Variants in CLEC4F observed in about 807,000 individuals in gnomAD.
CLEC4F encodes C-type (calcium dependent, carbohydrate-recognition domain) lectin, superfamily member 13.
A neutral mutation model predicts 53.4 loss-of-function variants in CLEC4F; 45 were observed. The observed-to-expected ratio is 0.84, with a 90% CI of 0.66 to 1.08. The LOEUF is 1.08. CLEC4F is among the 50% of genes least tolerant of loss of function. The pLI, the probability that CLEC4F is intolerant of heterozygous loss-of-function variation, is 0.00. For synonymous variants in CLEC4F, 245 were observed against 257.5 expected (o/e 0.95, Z 0.46); for missense variants, 753 against 698.2 (o/e 1.08, Z -0.88).
intron 4 of CLEC4F, among the ~76,000 whole-genome samples, chr2:70,814,731 A>G (rs1553395355): frequency 1.3e-5 from 2 of 152,142 alleles, no homozygotes; most frequent in East Asian, 3.9e-4. Flanking sequence ...TAAGATATCT[A>G]GTTCTTTGTC....
At chr2:70,818,137 T>A (rs1677031796) in intron 3 of CLEC4F, among the ~76,000 whole-genome samples, 1 of 152,158 alleles carries the variant, frequency 6.6e-6, no homozygotes. Flanking sequence ...CCTATGTAGA[T>A]GTGTGAGACC....
intron 5 of CLEC4F, among the ~76,000 whole-genome samples, chr2:70,810,156 A>AG (rs1676469994): frequency 6.7e-6 from 1 of 150,204 alleles, no homozygotes; most frequent in Non-Finnish European, 1.5e-5. Context: ...TTTTTTTAAT[A>AG]GATGGGTTTG....
intron 3 of CLEC4F, 22 bp downstream of exon 3, chr2:70,819,333 C>T: frequency 6.2e-7 from 1 of 1,600,322 alleles, no homozygotes; most frequent in Non-Finnish European, 8.6e-7. Context: ...CTCTGCACCC[C>T]ACCCCCACTG....
chr2:70,819,432 G>A lies in CLEC4F; in HGVS notation c.191C>T (p.Thr64Ile), dbSNP rs782236019. 4.3e-6 allele frequency: 7 copies of A among 1,613,988 alleles called. No homozygotes were observed. The South Asian group carries it at 6.6e-5, about 15-fold the overall frequency. ...VTLFVVVQQQ[T>I]RPVPKPVQAV... ...TTGCACAGGCTTCGGAACAGGTCTT[G>A]TCTGCTGTTGAACTGAGACATTCCA... The change falls in exon 3 of 7, where the codon ACA (threonine) becomes ATA (isoleucine). Residue 64 changes from threonine (T) to isoleucine (I), a missense_variant. Transcript: ENST00000272367.
chr2:70,820,710 A>G, upstream of CLEC4F: 2 of 558,036 alleles, frequency 3.6e-6, no homozygotes, highest in Non-Finnish European at 6.3e-6. Context: ...CCTCCCCTAG[A>G]GGCTCCCAGA....
upstream of CLEC4F, among the ~76,000 whole-genome samples, chr2:70,823,728 G>A (rs567228785): frequency 2.0e-5 from 3 of 152,130 alleles, no homozygotes; most frequent in African/African-American, 4.8e-5. Flanking sequence ...AAAAACAAAT[G>A]GGCATTAATA....
At position 70,816,204 on chromosome 2, in the gene CLEC4F, G is replaced by C. The variant is rs782281781; in HGVS notation, c.1177C>G (p.Leu393Val). The C allele has an allele frequency of 6.2e-7, 1 of 1,614,152 alleles. No individual in the cohort carries two copies. The highest frequency in any genetic ancestry group is 1.1e-5 in the South Asian group (1 of 91,082). Reference sequence around the variant, plus strand: ...GAAGCATTCTTCATTCCTTGTTTTAGGGTCTGTATCTCTCTGCTGGCATTT... The same window carrying C: ...GAAGCATTCTTCATTCCTTGTTTTACGGTCTGTATCTCTCTGCTGGCATTT... ...MKNASREIQT[L>V]KQGMKNASAL... Residue 393 changes from leucine to valine, a missense_variant, in exon 4 of 7, where the codon CTA becomes GTA. Physicochemically the swap from Leu to Val is conservative, Grantham distance 32. Coordinates refer to ENST00000272367, the MANE Select transcript of CLEC4F (RefSeq NM_173535.3).
At chr2:70,813,182 G>A (rs1171669171) in intron 4 of CLEC4F, among the ~76,000 whole-genome samples, 3 of 152,176 alleles carry the variant, frequency 2.0e-5, no homozygotes, top group African/African-American at 4.8e-5. Context: ...AAATGGTGCC[G>A]CACAAGCTCA....
At chr2:70,810,171 A>G (rs1676471309) in intron 5 of CLEC4F, among the ~76,000 whole-genome samples, 1 of 149,476 alleles carries the variant, frequency 6.7e-6, no homozygotes, top group African/African-American at 2.5e-5. Context: ...GGTTTGCTTG[A>G]TGAGGATTGT....
intron 2 of CLEC4F, 147 bp from the exon 3 acceptor site, chr2:70,819,591 G>A (rs1464825039): frequency 3.3e-6 from 3 of 902,734 alleles, no homozygotes; most frequent in Non-Finnish European, 3.6e-6. Context: ...CAGTTCTTGG[G>A]AGGCTCCCCC....
rs1676376430 is a variant in CLEC4F, at chr2:70,808,884, G to A, written c.*387C>T. ...GGCTCCGAAGGCATCGAGGAGGAGG[G>A]TCAGTATTGGCAAGCAGGAGCAGCC... On this transcript the variant is annotated 3_prime_UTR_variant, in exon 7 of 7. Transcript: ENST00000272367. 1 of 600,410 alleles carries A rather than the reference G, an allele frequency of 1.7e-6. No homozygotes were observed. The highest frequency in any genetic ancestry group is 2.0e-5 in the South Asian group (1 of 50,182). 37.2% of individuals were successfully genotyped at this position (600,410 alleles called of 1,614,324 possible). A position where few individuals can be genotyped will look rare whatever the true frequency, so the allele number is the denominator to read the frequency against.
In CLEC4F at chr2:70,812,675, T is replaced by C. The variant is rs189123867; in HGVS notation, c.1388-77A>G. 267 of 1,464,810 alleles carry C rather than the reference T, an allele frequency of 1.8e-4. No individual in the cohort carries two copies. In the African/African-American group the frequency reaches 3.3e-3, roughly 18 times the overall value. The allele number at this position is 1,464,810 out of a possible 1,614,324, so 90.7% of individuals were successfully genotyped here. A position where few individuals can be genotyped will look rare whatever the true frequency, so the allele number is the denominator to read the frequency against. ...CCAGAAGGAACTTTTCTGACCTCTC[T>C]AGGGCCTGCCCACTGAGGTTCACAA... On this transcript the variant is annotated intron_variant, in intron 4 of 6. Coordinates refer to ENST00000272367, the MANE Select transcript of CLEC4F (RefSeq NM_173535.3).
In CLEC4F at chr2:70,809,346, A is replaced by G. The variant is rs372030715; in HGVS notation, c.1695T>C (p.Tyr565=). Residue 565 remains tyrosine, a synonymous_variant, in exon 7 of 7, where the codon TAT becomes TAC. Transcript: ENST00000272367. Reference sequence around the variant, plus strand: ...CTCCCATCCCAGAATTCACAATAATATACTTTCTGAGTGGGCAGGATCCCT... The same window carrying G: ...CTCCCATCCCAGAATTCACAATAATGTACTTTCTGAGTGGGCAGGATCCCT... ...GSKGSCPLRK[Y]IIVNSGMGAC... 1.9e-6 allele frequency: 3 copies of G among 1,613,298 alleles called. No homozygotes were observed. The highest frequency in any genetic ancestry group is 2.2e-5 in the South Asian group (2 of 90,956).
intron 5 of CLEC4F, among the ~76,000 whole-genome samples, chr2:70,812,143 G>T (rs1707804026): frequency 6.6e-6 from 1 of 152,134 alleles, no homozygotes; most frequent in Non-Finnish European, 1.5e-5. Context: ...AAATGCAAGA[G>T]AAGGGAAGTG....
chr2:70,810,444 C>G (rs2104625183), intron 5 of CLEC4F, among the ~76,000 whole-genome samples: 1 of 151,796 alleles, frequency 6.6e-6, no homozygotes, highest in East Asian at 1.9e-4. Flanking sequence ...CATGGTGAAA[C>G]CCCGTCTCTA....
chr2:70,819,559 C>T (rs1156642142), intron 2 of CLEC4F, 115 bp from the exon 3 acceptor site: 16 of 1,023,190 alleles, frequency 1.6e-5, no homozygotes, highest in Middle Eastern at 2.0e-4. Context: ...AAAGACCCTC[C>T]CAGGGTTTCC....
At chr2:70,813,585 C>CTT (rs1553394910) in intron 4 of CLEC4F, among the ~76,000 whole-genome samples, 1 of 110,678 alleles carries the variant, frequency 9.0e-6, no homozygotes, top group African/African-American at 3.3e-5. Context: ...TTTTCTTTCT[C>CTT]TCTCTTTCTT....
rs1553397752 is a variant in CLEC4F at position 70,820,554 on chromosome 2, C to T, written c.-31G>A. ...CTTCCTTGATCCTCCAGCACTGCTC[C>T]CAGCCACTGGCTCCTGGAAGGGCCG... On this transcript the variant is annotated 5_prime_UTR_variant, in exon 1 of 7. Transcript: ENST00000272367. 2 of 1,566,168 alleles carry T rather than the reference C, an allele frequency of 1.3e-6. No homozygotes were observed. Among genetic ancestry groups the T allele is most frequent in the Non-Finnish European group, 1.7e-6 (2 of 1,154,096 alleles).
At chr2:70,824,314 A>T (rs1553398557), upstream of CLEC4F, among the ~76,000 whole-genome samples, 1 of 144,546 alleles carries the variant, frequency 6.9e-6, no homozygotes, top group African/African-American at 2.5e-5. Flanking sequence ...TTCGTCTCCT[A>T]ACTGTTCTCC....
Sources: gnomAD v4.1 joint callset for allele counts (sites outside exome capture counted in the v4.1 genomes callset) on GRCh38, gnomAD v4.1.1 for gene constraint, MANE v1.5 for transcripts, NCBI Gene and HGNC (gene_info 2026-07-23, HGNC 2026-07-21) for gene names.